TMEM164: variants seen among roughly 807,000 people sequenced by gnomAD.
TMEM164 encodes transmembrane protein 164.
In TMEM164, 4 loss-of-function variants were observed where a neutral mutation model predicts 18.8. The observed-to-expected ratio is 0.21, with a 90% CI of 0.10 to 0.49. TMEM164 has a LOEUF of 0.49. Among genes scored for constraint, TMEM164 ranks in the 20% least tolerant of loss-of-function variants. TMEM164 has a pLI of 0.98. For missense variants in TMEM164, 108 were observed against 239.9 expected (o/e 0.45, Z 3.63); for synonymous variants, 86 against 101.7 (o/e 0.85, Z 0.93).
chrX:110,111,424 C>T (rs1230361886), intron 4 of TMEM164, among the ~76,000 whole-genome samples: 3 of 112,422 alleles, frequency 2.7e-5, no homozygotes, highest in Non-Finnish European at 5.6e-5. Context: ...GCTATCTTAT[C>T]ATCTCTCTGC....
chrX:110,112,551 A>G (rs2066305251), intron 4 of TMEM164, among the ~76,000 whole-genome samples: 1 of 112,107 alleles, frequency 8.9e-6, no homozygotes, highest in African/African-American at 3.2e-5. Context: ...TAGCAGCACT[A>G]TCAGCTGCTG....
intron 5 of TMEM164, among the ~76,000 whole-genome samples, chrX:110,170,086 C>G (rs2067210324): frequency 8.9e-6 from 1 of 112,229 alleles, no homozygotes; most frequent in Non-Finnish European, 1.9e-5. Context: ...CCGTTACACT[C>G]TCCCCTGTGG....
intron 2 of TMEM164, chrX:110,046,315 C>T (rs1273730857): frequency 5.3e-6 from 4 of 752,885 alleles, no homozygotes; most frequent in Non-Finnish European, 6.3e-6. Flanking sequence ...CCTATTTAAC[C>T]TCTCAGTAGA....
chrX:110,124,188 C>A (rs374198815), intron 4 of TMEM164, among the ~76,000 whole-genome samples: 252 of 72,680 alleles, frequency 3.5e-3, no homozygotes, highest in South Asian at 0.011. Context: ...GGCAGGAAGG[C>A]AGGCAGGCAG....
chrX:110,175,971 G>A lies in TMEM164; in HGVS notation c.*2520G>A. On this transcript the variant is annotated 3_prime_UTR_variant, in exon 7 of 7. Transcript: ENST00000372068. ...CTCTACTGCCCCAGCTTTGGTACAG[G>A]AGTGAGGGAGAAGCTGGAGCTTGCA... The A allele has an allele frequency of 2.6e-6, 2 of 756,492 alleles. No individual in the cohort carries two copies. Among genetic ancestry groups the A allele is most frequent in the South Asian group, 1.3e-4 (2 of 14,923 alleles). 62.3% of individuals were successfully genotyped at this position (756,492 alleles called of 1,213,427 possible).
intron 3 of TMEM164, among the ~76,000 whole-genome samples, chrX:110,097,535 A>G (rs2066040739): frequency 8.9e-6 from 1 of 112,589 alleles, no homozygotes; most frequent in African/African-American, 3.2e-5. Flanking sequence ...GGGTATAAAC[A>G]TGAAACAACA....
chrX:110,180,418 G>A (rs1266662231), downstream of TMEM164, among the ~76,000 whole-genome samples: 2 of 112,237 alleles, frequency 1.8e-5, no homozygotes, highest in Non-Finnish European at 3.8e-5. Context: ...AAGGATGTGT[G>A]GTTTGCTAAC....
At position 110,003,695 on chromosome X, in the gene TMEM164, C is replaced by T; in HGVS notation, c.-80C>T. On this transcript the variant is annotated 5_prime_UTR_variant, in exon 2 of 7. Coordinates refer to ENST00000372068, the MANE Select transcript of TMEM164 (RefSeq NM_032227.4). ...GGGGGTGTGCCCGCCTTACATGGTC[C>T]ACCACCCGGGCAACCCTCTGGGCTT... 9.1e-7 allele frequency: 1 copy of T among 1,097,514 alleles called. No individual in the cohort carries two copies. The highest frequency in any genetic ancestry group is 1.2e-6 in the Non-Finnish European group (1 of 827,401). 90.4% of individuals were successfully genotyped at this position (1,097,514 alleles called of 1,213,427 possible). A position where few individuals can be genotyped will look rare whatever the true frequency, so the allele number is the denominator to read the frequency against.
chrX:110,108,998 G>A (rs920873247), intron 3 of TMEM164, 82 bp from the exon 4 acceptor site: 10 of 930,617 alleles, frequency 1.1e-5, no homozygotes, highest in East Asian at 3.1e-5. Context: ...TCCATATGCC[G>A]TGGCTTAACC....
Position 110,175,784 on chromosome X carries a change from T to C in TMEM164, c.*2333T>C. 4 of 754,857 alleles carry C rather than the reference T, an allele frequency of 5.3e-6. No homozygotes were observed. Among genetic ancestry groups the C allele is most frequent in the Middle Eastern group, 7.5e-4 (1 of 1,328 alleles). The allele number at this position is 754,857 out of a possible 1,213,427, so 62.2% of individuals were successfully genotyped here. ...CTTCACAAGGAGCCATGGCCTGTAT[T>C]TGGGGCATTGGGGAGCATAAGGCAT... On this transcript the variant is annotated 3_prime_UTR_variant, in exon 7 of 7. Transcript: ENST00000372068.
intron 2 of TMEM164, among the ~76,000 whole-genome samples, chrX:110,035,918 CTTTT>C (rs1056551596): frequency 9.1e-6 from 1 of 110,156 alleles, no homozygotes; most frequent in Non-Finnish European, 1.9e-5. Context: ...CTTAATATCT[CTTTT>C]TTTGTTGTTT....
intron 2 of TMEM164, among the ~76,000 whole-genome samples, chrX:110,009,655 T>C (rs746255909): frequency 2.7e-5 from 3 of 111,647 alleles, no homozygotes; most frequent in East Asian, 5.6e-4. Context: ...ACTGACTTTT[T>C]GCTTTCCTTT....
At chrX:110,069,513 T>C (rs1211683377) in intron 3 of TMEM164, among the ~76,000 whole-genome samples, 2 of 111,312 alleles carry the variant, frequency 1.8e-5, no homozygotes, top group Non-Finnish European at 3.8e-5. Flanking sequence ...TTTTAGATTT[T>C]AGCCCTTTGT....
At chrX:110,044,433 T>TTG (rs2147790301) in intron 2 of TMEM164, among the ~76,000 whole-genome samples, 2 of 109,255 alleles carry the variant, frequency 1.8e-5, no homozygotes, top group African/African-American at 6.7e-5. Flanking sequence ...AGGTTTTTTT[T>TTG]TTGTTGTTGT....
At chrX:110,021,422 G>A (rs956064072) in intron 2 of TMEM164, among the ~76,000 whole-genome samples, 1 of 111,398 alleles carries the variant, frequency 9.0e-6, no homozygotes, top group Admixed American at 9.5e-5. Context: ...AAGTTCAGTG[G>A]AAAGGGAGGG....
chrX:110,003,555 G>A lies in TMEM164; in HGVS notation c.-220G>A. The A allele has an allele frequency of 2.8e-6, 1 of 361,488 alleles. No individual in the cohort carries two copies. The highest frequency in any genetic ancestry group is 5.2e-5 in the Admixed American group (1 of 19,240). 29.8% of individuals were successfully genotyped at this position (361,488 alleles called of 1,213,427 possible). On this transcript the variant is annotated 5_prime_UTR_variant, in exon 2 of 7. Transcript: ENST00000372068. ...TCGTTGGTGGCCACTGGAGAAGCGC[G>A]GGGGGCTCCCCCAGACAGCCGTGGG...
rs1419780773 is a variant in TMEM164, at chrX:110,091,860, T to C, written c.441-17220T>C. ...GTTTCAGGTCTAACATTTAAGTCTT[T>C]AATCCATCTTGAATTAATTTTTGCA... On this transcript the variant is annotated intron_variant, in intron 3 of 6. Transcript: ENST00000372068. Among the ~76,000 whole-genome samples the C allele has an allele frequency of 2.7e-5, 3 of 112,610 alleles. No homozygotes were observed. The East Asian group carries it at 8.3e-4, about 31-fold the overall frequency.
intron 5 of TMEM164, among the ~76,000 whole-genome samples, chrX:110,170,607 C>T (rs2067217654): frequency 8.9e-6 from 1 of 111,847 alleles, no homozygotes; most frequent in African/African-American, 3.3e-5. Flanking sequence ...TGCCCCCATT[C>T]TCCAAGATGT....
chrX:110,039,696 G>T (rs773490313), intron 2 of TMEM164, among the ~76,000 whole-genome samples: 2 of 112,503 alleles, frequency 1.8e-5, no homozygotes, highest in East Asian at 2.8e-4. Flanking sequence ...ACCCTGGGAT[G>T]CTCTGTTGGC....
Sources: allele counts gnomAD v4.1 joint callset (sites outside exome capture counted in the v4.1 genomes callset), GRCh38; gene constraint gnomAD v4.1.1; transcripts MANE v1.5; gene names NCBI Gene and HGNC (gene_info 2026-07-23, HGNC 2026-07-21).